Variants in BEST3 observed in about 807,000 individuals in gnomAD.
BEST3 encodes the protein bestrophin-3.
Under a neutral mutation model 47.1 loss-of-function variants are expected in BEST3, and 50 were observed. The ratio of observed to expected loss-of-function variants is 1.06; its 90% confidence interval spans 0.85 to 1.34. BEST3 has a LOEUF of 1.34. BEST3 is among the 40% of genes most tolerant of loss of function. The probability of loss-of-function intolerance (pLI) is 0.00; values close to 1 mark genes in which losing one functional copy is unlikely to be tolerated. For missense variants in BEST3, 765 were observed against 817.0 expected (o/e 0.94, Z 0.78); for synonymous variants, 282 against 298.8 (o/e 0.94, Z 0.58).
chr12:69,678,550 A>G (rs1309879548), intron 5 of BEST3, among the ~76,000 whole-genome samples, 189 bp downstream of exon 5: 1 of 152,196 alleles, frequency 6.6e-6, no homozygotes, highest in East Asian at 1.9e-4. Context: ...ACCATTTCCA[A>G]GCAACCTGAG....
intron 4 of BEST3, among the ~76,000 whole-genome samples, chr12:69,679,775 C>T (rs1053620585): frequency 1.2e-4 from 18 of 152,200 alleles, no homozygotes; most frequent in African/African-American, 3.9e-4. Flanking sequence ...GCATGAAAAT[C>T]GCTTGAACCC....
At chr12:69,653,517 C>G, downstream of BEST3, 2 of 575,510 alleles carry the variant, frequency 3.5e-6, no homozygotes, top group Non-Finnish European at 4.4e-6. Flanking sequence ...TTCTCTAAAG[C>G]CTGTTTCTCT....
rs188063237 is a variant in BEST3, at chr12:69,693,848, G to A, written c.307C>T (p.Pro103Ser). ...WWNQFVNLPW[P>S]DRLMFLISSS... ...GAGATGAGGAACATTAGCCTGTCTGGCCAGGGCAAATTCACAAACTGGTTC... is the reference window on the plus strand; with the variant it reads ...GAGATGAGGAACATTAGCCTGTCTGACCAGGGCAAATTCACAAACTGGTTC... Residue 103 changes from proline to serine, a missense_variant, in exon 4 of 10, where the codon CCA (proline) becomes TCA (serine). Pro to Ser is a moderately conservative substitution (Grantham distance 74, BLOSUM62 -1). Transcript: ENST00000330891. The A allele has an allele frequency of 1.2e-6, 2 of 1,613,866 alleles. No individual in the cohort carries two copies. The highest frequency in any genetic ancestry group is 3.3e-5 in the Admixed American group (2 of 59,974).
In BEST3 at chr12:69,653,836, G is replaced by C. The variant is rs114166365; in HGVS notation, c.*1071C>G. The C allele has an allele frequency of 1.0e-6, 1 of 985,272 alleles. No homozygotes were observed. The highest frequency in any genetic ancestry group is 1.2e-6 in the Non-Finnish European group (1 of 829,946). 61.0% of individuals were successfully genotyped at this position (985,272 alleles called of 1,614,324 possible). On this transcript the variant is annotated 3_prime_UTR_variant, in exon 10 of 10. Coordinates refer to ENST00000330891, the MANE Select transcript of BEST3 (RefSeq NM_032735.3). Reference sequence around the variant, plus strand: ...TATCCTGCCCATTCCCAAATGACCCGATAGACACAGTAACTGGTCCCGTGT... The same window carrying C: ...TATCCTGCCCATTCCCAAATGACCCCATAGACACAGTAACTGGTCCCGTGT...
At chr12:69,658,607 A>G (rs1883662183) in intron 9 of BEST3, among the ~76,000 whole-genome samples, 1 of 152,312 alleles carries the variant, frequency 6.6e-6, no homozygotes, top group East Asian at 1.9e-4. Flanking sequence ...TTAAATTATC[A>G]CTTAAAAGGA....
At chr12:69,694,126 A>G (rs2136046512) in intron 3 of BEST3, 1 of 571,220 alleles carries the variant, frequency 1.8e-6, no homozygotes, top group South Asian at 2.4e-5. Flanking sequence ...ATTGACTGCA[A>G]AAATGGAGAG....
At position 69,697,807 on chromosome 12, in the gene BEST3, G is replaced by A. The variant is rs781132983; in HGVS notation, c.-9C>T. ...GAGTAAGTGACAGTCATCTTGGATA[G>A]TTTTTTCTAGAAGAGCAAGAAGACA... is the stretch of plus-strand genomic sequence containing the variant. On this transcript the variant is annotated 5_prime_UTR_variant, in exon 2 of 10. Coordinates refer to ENST00000330891, the MANE Select transcript of BEST3 (RefSeq NM_032735.3). 10 of 1,597,832 alleles carry A rather than the reference G, an allele frequency of 6.3e-6. No homozygotes were observed. The East Asian group carries it at 2.2e-4, about 36-fold the overall frequency.
chr12:69,657,689 G>C (rs186495318), intron 9 of BEST3, among the ~76,000 whole-genome samples: 6 of 152,258 alleles, frequency 3.9e-5, no homozygotes. Flanking sequence ...GTGACATGAA[G>C]GAGAACATTG....
chr12:69,691,886 G>C (rs549854371), intron 4 of BEST3, among the ~76,000 whole-genome samples: 24 of 152,300 alleles, frequency 1.6e-4, no homozygotes, highest in Admixed American at 1.3e-3. Flanking sequence ...GCAACTTGAA[G>C]ACTAATTTTA....
chr12:69,678,272 A>C (rs189249836), intron 5 of BEST3, among the ~76,000 whole-genome samples: 31 of 152,198 alleles, frequency 2.0e-4, no homozygotes, highest in Admixed American at 5.9e-4. Context: ...GGTTATTTTG[A>C]TTAATGAAAA....
In BEST3 at chr12:69,678,786, T is replaced by C. The variant is rs1473474811; in HGVS notation, c.589A>G (p.Asn197Asp). Residue 197 changes from asparagine (N) to aspartate (D), a missense_variant, in exon 5 of 10, where the codon AAT becomes GAT. Physicochemically the swap from Asn to Asp is conservative, Grantham distance 23. Coordinates refer to ENST00000330891, the MANE Select transcript of BEST3 (RefSeq NM_032735.3). ...ACACTGTCTCTGATTCTACCTTCAT[T>C]CCGGGCTTTAGTTGCAAGATTTCCA... Reference protein sequence around the residue: ...WFGNLATKARNEGRIRDSVDL... With the variant: ...WFGNLATKARDEGRIRDSVDL... 1 of 1,614,124 alleles carries C rather than the reference T, an allele frequency of 6.2e-7. No homozygotes were observed. The highest frequency in any genetic ancestry group is 1.7e-5 in the Admixed American group (1 of 60,024).
intron 7 of BEST3, among the ~76,000 whole-genome samples, chr12:69,673,931 T>A (rs1302987995): frequency 6.6e-6 from 1 of 152,200 alleles, no homozygotes; most frequent in Admixed American, 6.5e-5. Flanking sequence ...TTGATCAATA[T>A]TAAATATTCT....
chr12:69,662,473 T>C lies in BEST3; in HGVS notation c.1101-6660A>G, dbSNP rs115988614. Reference sequence around the variant, plus strand: ...GTATTTTGGTATATTTGAATTAATATCACTAAAAATATTTCTGACCTACTG... The same window carrying C: ...GTATTTTGGTATATTTGAATTAATACCACTAAAAATATTTCTGACCTACTG... On this transcript the variant is annotated intron_variant, in intron 9 of 9. Transcript: ENST00000330891. 4.2e-3 allele frequency among the ~76,000 whole-genome samples: 636 copies of C among 152,298 alleles called. 2 individuals are homozygous for C. The highest frequency in any genetic ancestry group is 0.014 in the African/African-American group (602 of 41,578).
intron 4 of BEST3, among the ~76,000 whole-genome samples, chr12:69,691,047 T>G (rs1424242400): frequency 1.3e-5 from 2 of 152,184 alleles, no homozygotes; most frequent in Non-Finnish European, 2.9e-5. Flanking sequence ...CCCTTCTTCC[T>G]TATTTCAACC....
Position 69,654,123 on chromosome 12 carries a change from T to C in BEST3, c.*784A>G. The stretch of plus-strand genomic sequence containing the variant: ...CTGGATTTGTTGACACCTTTGATGA[T>C]TCTGTAGGAGGCTTTGCCAATGTCT... On this transcript the variant is annotated 3_prime_UTR_variant, in exon 10 of 10. Transcript: ENST00000330891. 1.0e-6 allele frequency: 1 copy of C among 985,402 alleles called. No homozygotes were observed. Among genetic ancestry groups the C allele is most frequent in the African/African-American group, 1.7e-5 (1 of 57,342 alleles). The allele number at this position is 985,402 out of a possible 1,614,324, so 61.0% of individuals were successfully genotyped here. A position where few individuals can be genotyped will look rare whatever the true frequency, so the allele number is the denominator to read the frequency against.
chr12:69,674,302 C>T (rs1217881918), intron 7 of BEST3, among the ~76,000 whole-genome samples: 1 of 152,132 alleles, frequency 6.6e-6, no homozygotes, highest in African/African-American at 2.4e-5. Flanking sequence ...CTTGGCTGCA[C>T]ATTAAAATCA....
intron 4 of BEST3, chr12:69,684,683 G>A (rs557457588): frequency 2.7e-5 from 15 of 546,268 alleles, no homozygotes; most frequent in African/African-American, 1.7e-4. Flanking sequence ...AGAGTGCAAC[G>A]TGCCTGGCTT....
intron 9 of BEST3, among the ~76,000 whole-genome samples, chr12:69,656,397 A>G (rs1258057291): frequency 1.3e-5 from 2 of 151,580 alleles, no homozygotes; most frequent in East Asian, 1.9e-4. Context: ...CTATCTATCT[A>G]TCTGTCATCT....
chr12:69,689,990 A>G (rs1490877783), intron 4 of BEST3, among the ~76,000 whole-genome samples: 1 of 152,176 alleles, frequency 6.6e-6, no homozygotes, highest in East Asian at 1.9e-4. Context: ...AAGATGCAAT[A>G]CTTCTCAAAC....
Sources: gnomAD v4.1 joint callset for allele counts (sites outside exome capture counted in the v4.1 genomes callset) on GRCh38, gnomAD v4.1.1 for gene constraint, MANE v1.5 for transcripts, NCBI Gene and HGNC (gene_info 2026-07-23, HGNC 2026-07-21) for gene names.